MAGI1: variants seen among roughly 807,000 people sequenced by gnomAD.
MAGI1 encodes the protein membrane associated guanylate kinase, WW and PDZ domain containing 1.
A neutral mutation model predicts 139.9 loss-of-function variants in MAGI1; 58 were observed. That is an observed-to-expected ratio of 0.41 (90% confidence interval 0.34 to 0.52). The LOEUF (loss-of-function observed/expected upper bound fraction) is 0.52, where lower values mean the gene tolerates loss of function less well. Ranked by LOEUF, MAGI1 falls within the 20% of genes least tolerant of loss-of-function variation. The probability of loss-of-function intolerance (pLI) is 0.12; values close to 1 mark genes in which losing one functional copy is unlikely to be tolerated. For missense variants in MAGI1, 1,874 were observed against 1,901.6 expected (o/e 0.99, Z 0.27); for synonymous variants, 812 against 737.9 (o/e 1.10, Z -1.63).
At chr3:65,926,410 G>C (rs2062521617) in intron 1 of MAGI1, among the ~76,000 whole-genome samples, 1 of 145,600 alleles carries the variant, frequency 6.9e-6, no homozygotes, top group Non-Finnish European at 1.5e-5. Flanking sequence ...AGAGGGGTTG[G>C]AACAGAGCAA....
intron 1 of MAGI1, among the ~76,000 whole-genome samples, chr3:65,658,641 G>A (rs2086021179): frequency 1.3e-5 from 2 of 152,156 alleles, no homozygotes; most frequent in Non-Finnish European, 2.9e-5. Context: ...CCCAGGTGAT[G>A]CTAATGCTGT....
chr3:65,863,168 A>T (rs1411984387), intron 1 of MAGI1, among the ~76,000 whole-genome samples: 1 of 152,222 alleles, frequency 6.6e-6, no homozygotes, highest in Non-Finnish European at 1.5e-5. Flanking sequence ...ATTCGGATCA[A>T]TCTTCAAGGA....
intron 5 of MAGI1, among the ~76,000 whole-genome samples, chr3:65,456,926 G>A (rs1391790063): frequency 6.6e-6 from 1 of 152,060 alleles, no homozygotes; most frequent in Admixed American, 6.6e-5. Context: ...TTATTATTGT[G>A]ACTATATAAT....
chr3:65,445,616 C>T (rs1393012700), intron 7 of MAGI1, among the ~76,000 whole-genome samples: 1 of 152,136 alleles, frequency 6.6e-6, no homozygotes, highest in East Asian at 1.9e-4. Flanking sequence ...CTCTATCTCC[C>T]CTAGTTGGTT....
intron 12 of MAGI1, 80 bp from the exon 13 acceptor site, chr3:65,401,550 C>T (rs1237008320): frequency 6.4e-7 from 1 of 1,567,138 alleles, no homozygotes; most frequent in Non-Finnish European, 8.7e-7. Flanking sequence ...AAGAACAATC[C>T]CCAGGTGTTC....
chr3:65,992,485 G>A (rs752677591), intron 1 of MAGI1, among the ~76,000 whole-genome samples: 2 of 152,172 alleles, frequency 1.3e-5, no homozygotes, highest in Non-Finnish European at 2.9e-5. Flanking sequence ...TGTCTTGCCT[G>A]CCAGAAAGCA....
chr3:65,391,394 GATT>G, intron 13 of MAGI1, 36 bp from the exon 14 acceptor site: 1 of 1,561,558 alleles, frequency 6.4e-7, no homozygotes, highest in Non-Finnish European at 8.8e-7. Context: ...AAGAAGAAAA[GATT>G]ATTATTGGTT....
At chr3:65,973,742 G>A (rs1168582885) in intron 1 of MAGI1, among the ~76,000 whole-genome samples, 2 of 152,158 alleles carry the variant, frequency 1.3e-5, no homozygotes, top group East Asian at 1.9e-4. Flanking sequence ...TAAAAGAAAT[G>A]TACATAAATT....
intron 1 of MAGI1, among the ~76,000 whole-genome samples, chr3:65,897,051 G>A (rs2055170): frequency 0.63 from 95,036 of 151,994 alleles, 31,284 homozygotes; most frequent in African/African-American, 0.84. Flanking sequence ...CTCCTGTATA[G>A]TTTAAATCAT....
At chr3:65,510,494 C>G (rs1280986412) in intron 2 of MAGI1, among the ~76,000 whole-genome samples, 69 of 149,232 alleles carry the variant, frequency 4.6e-4, no homozygotes, top group African/African-American at 1.4e-3. Flanking sequence ...GGCTCGAGAA[C>G]TACGTGAAGA....
chr3:65,977,362 C>T lies in MAGI1; in HGVS notation c.313+60634G>A, dbSNP rs1015009753. ...GTATGCTTTCAGTGTCCCAGAACAG[C>T]GTATTCGAAACCAGATCACGCCACC... On this transcript the variant is annotated intron_variant, in intron 1 of 22. Coordinates refer to ENST00000402939, the MANE Select transcript of MAGI1 (RefSeq NM_001033057.2). 3.3e-5 allele frequency among the ~76,000 whole-genome samples: 5 copies of T among 152,118 alleles called. 1 individual carries two copies. The highest frequency in any genetic ancestry group is 3.3e-4 in the Admixed American group (5 of 15,270).
rs370170729 is a variant in MAGI1 at position 65,665,930 on chromosome 3, T to C, written c.314-43842A>G. On this transcript the variant is annotated intron_variant, in intron 1 of 22. Coordinates refer to ENST00000402939, the MANE Select transcript of MAGI1 (RefSeq NM_001033057.2). ...ATAAATCTGTATACCATAGAGCGCC[T>C]TACAGTTACAGAGGGCTCATGCTGT... is the stretch of plus-strand genomic sequence containing the variant. Among the ~76,000 whole-genome samples the C allele has an allele frequency of 2.0e-4, 31 of 152,332 alleles. 1 individual carries two copies. The East Asian group carries it at 6.0e-3, about 29-fold the overall frequency.
chr3:65,718,101 A>C (rs1018648090), intron 1 of MAGI1, among the ~76,000 whole-genome samples: 1 of 152,060 alleles, frequency 6.6e-6, no homozygotes, highest in African/African-American at 2.4e-5. Flanking sequence ...TTGGTCTGTG[A>C]CTCTAACTCC....
Position 65,356,522 on chromosome 3 carries a change from C to T in MAGI1, c.4245G>A (p.Leu1415=), listed in dbSNP as rs1202790887. ...RSPERRRERS[L]DKRNREDRAS... ...CTCTGTCCTCTCTGTTCCTTTTGTCCAGGGACCGCTCTCTCCTGCGCTCGG... is the reference window on the plus strand; with the variant it reads ...CTCTGTCCTCTCTGTTCCTTTTGTCTAGGGACCGCTCTCTCCTGCGCTCGG... Residue 1415 remains leucine, a synonymous_variant, in exon 23 of 23, where the codon CTG becomes CTA. Coordinates refer to ENST00000402939, the MANE Select transcript of MAGI1 (RefSeq NM_001033057.2). The T allele has an allele frequency of 1.9e-6, 3 of 1,610,844 alleles. No individual in the cohort carries two copies. The highest frequency in any genetic ancestry group is 2.5e-6 in the Non-Finnish European group (3 of 1,179,966).
chr3:65,493,199 TTG>T (rs1348414525), intron 3 of MAGI1, among the ~76,000 whole-genome samples: 1 of 152,192 alleles, frequency 6.6e-6, no homozygotes, highest in African/African-American at 2.4e-5. Context: ...GGATCACATT[TTG>T]TGATTAACCA....
chr3:65,904,249 G>A (rs1032622646), intron 1 of MAGI1, among the ~76,000 whole-genome samples: 7 of 152,158 alleles, frequency 4.6e-5, no homozygotes, highest in African/African-American at 1.7e-4. Flanking sequence ...AGAATGGCCT[G>A]GAATGACCAA....
chr3:65,927,767 T>C (rs1030539875), intron 1 of MAGI1, among the ~76,000 whole-genome samples: 1 of 152,126 alleles, frequency 6.6e-6, no homozygotes, highest in African/African-American at 2.4e-5. Flanking sequence ...ATGACAGGGT[T>C]CTGAGGTGAG....
chr3:65,647,294 C>T (rs1247799442), intron 1 of MAGI1, among the ~76,000 whole-genome samples: 1 of 152,084 alleles, frequency 6.6e-6, no homozygotes, highest in Non-Finnish European at 1.5e-5. Flanking sequence ...CACAAACTAC[C>T]ACTACTCATC....
At chr3:65,694,480 G>A (rs188158048) in intron 1 of MAGI1, among the ~76,000 whole-genome samples, 2 of 152,282 alleles carry the variant, frequency 1.3e-5, no homozygotes, top group African/African-American at 4.8e-5. Context: ...ACCACCCGGG[G>A]TTCAACCTTC....
Sources: allele counts gnomAD v4.1 joint callset (sites outside exome capture counted in the v4.1 genomes callset), GRCh38; gene constraint gnomAD v4.1.1; transcripts MANE v1.5; gene names NCBI Gene and HGNC (gene_info 2026-07-23, HGNC 2026-07-21).